The following KCNT2 variants were observed in gnomAD, a reference collection of about 807,000 sequenced individuals.
KCNT2 encodes the protein potassium sodium-activated channel subfamily T member 2.
In KCNT2, 67 loss-of-function variants were observed where a neutral mutation model predicts 153.8. That is an observed-to-expected ratio of 0.44 (90% CI 0.36 to 0.53). The LOEUF is 0.53. KCNT2 is among the 20% of genes least tolerant of loss of function. The pLI, the probability that KCNT2 is intolerant of heterozygous loss-of-function variation, is 0.00. For missense variants in KCNT2, 975 were observed against 1,354.8 expected, an observed-to-expected ratio of 0.72 and a Z score of 4.40; for synonymous variants, 500 against 458.8, an observed-to-expected ratio of 1.09 and a Z score of -1.15.
At chr1:196,512,494 A>T (rs1381084456) in intron 1 of KCNT2, among the ~76,000 whole-genome samples, 1 of 152,176 alleles carries the variant, frequency 6.6e-6, no homozygotes, top group African/African-American at 2.4e-5. Context: ...GCTGATGTCA[A>T]ATCTATTCTT....
intron 1 of KCNT2, among the ~76,000 whole-genome samples, chr1:196,517,593 C>T (rs1477564157): frequency 2.6e-5 from 4 of 151,850 alleles, no homozygotes; most frequent in Non-Finnish European, 4.4e-5. Flanking sequence ...CTGAAAAGGC[C>T]GAAAAACACA....
chr1:196,499,789 G>T (rs1398715878), intron 1 of KCNT2, among the ~76,000 whole-genome samples: 3 of 151,910 alleles, frequency 2.0e-5, no homozygotes, highest in African/African-American at 7.3e-5. Context: ...TGTTTATAAA[G>T]TATACTATTA....
chr1:196,256,306 A>G (rs1656487249), intron 26 of KCNT2, among the ~76,000 whole-genome samples: 2 of 152,012 alleles, frequency 1.3e-5, no homozygotes. Flanking sequence ...GTTCTGCCAA[A>G]TTTTAAACCC....
chr1:196,572,542 T>G (rs992478873), intron 1 of KCNT2, among the ~76,000 whole-genome samples: 1 of 151,982 alleles, frequency 6.6e-6, no homozygotes, highest in African/African-American at 2.4e-5. Flanking sequence ...ACTGCATACG[T>G]TTTGCCATTT....
At chr1:196,514,908 A>G (rs951928502) in intron 1 of KCNT2, among the ~76,000 whole-genome samples, 3 of 152,170 alleles carry the variant, frequency 2.0e-5, no homozygotes, top group Non-Finnish European at 2.9e-5. Flanking sequence ...ATTTTAGATC[A>G]TTAATTTTTA....
intron 26 of KCNT2, among the ~76,000 whole-genome samples, chr1:196,252,952 G>GT (rs1320442222): frequency 1.3e-5 from 2 of 150,854 alleles, no homozygotes; most frequent in Non-Finnish European, 3.0e-5. Flanking sequence ...TCATAAAGTG[G>GT]TTTTTTCCTC....
At chr1:196,431,631 C>T (rs1286764723) in intron 8 of KCNT2, among the ~76,000 whole-genome samples, 1 of 151,956 alleles carries the variant, frequency 6.6e-6, no homozygotes, top group Non-Finnish European at 1.5e-5. Flanking sequence ...GTGGAAGGCA[C>T]AATTTAAAGG....
intron 12 of KCNT2, among the ~76,000 whole-genome samples, chr1:196,414,614 A>C (rs1015734110): frequency 1.3e-5 from 2 of 151,884 alleles, no homozygotes; most frequent in Non-Finnish European, 2.9e-5. Context: ...GATAAAATGT[A>C]AAATATGCCT....
At chr1:196,356,026 G>A (rs1056560423) in intron 14 of KCNT2, among the ~76,000 whole-genome samples, 4 of 151,658 alleles carry the variant, frequency 2.6e-5, no homozygotes, top group African/African-American at 9.7e-5. Flanking sequence ...TCCCAGGCAA[G>A]ATATATTCCA....
chr1:196,294,631 G>A (rs982373919), intron 22 of KCNT2, among the ~76,000 whole-genome samples: 3 of 152,150 alleles, frequency 2.0e-5, no homozygotes, highest in East Asian at 3.9e-4. Context: ...AAATAGGCAT[G>A]CAATAAGTAA....
intron 1 of KCNT2, among the ~76,000 whole-genome samples, chr1:196,604,294 G>T (rs191357304): frequency 1.3e-5 from 2 of 152,220 alleles, no homozygotes; most frequent in Admixed American, 1.3e-4. Flanking sequence ...ACCCCCTCCA[G>T]ACTGAGCGCT....
chr1:196,561,753 G>A (rs1461175782), intron 1 of KCNT2, among the ~76,000 whole-genome samples: 1 of 150,440 alleles, frequency 6.6e-6, no homozygotes, highest in Non-Finnish European at 1.5e-5. Flanking sequence ...CGTGTCCAAA[G>A]CGGTTGGGAT....
Position 196,226,876 on chromosome 1 carries a change from G to A in KCNT2, c.*1348C>T, listed in dbSNP as rs1284172752. ...AAAAAATACAAAATTAGAACAGTAT[G>A]TATTTAAATTTACCAATGTTTCTTT... On this transcript the variant is annotated 3_prime_UTR_variant, in exon 28 of 28. Coordinates refer to ENST00000294725, the MANE Select transcript of KCNT2 (RefSeq NM_198503.5). 6.6e-6 allele frequency: 1 copy of A among 151,872 alleles called. No individual in the cohort carries two copies. The highest frequency in any genetic ancestry group is 1.5e-5 in the Non-Finnish European group (1 of 67,836). 9.4% of individuals were successfully genotyped at this position (151,872 alleles called of 1,614,324 possible).
chr1:196,414,970 T>A (rs1167981514), intron 12 of KCNT2, among the ~76,000 whole-genome samples: 2 of 151,914 alleles, frequency 1.3e-5, no homozygotes, highest in Admixed American at 1.3e-4. Flanking sequence ...TCAAAACAGT[T>A]CATTTTCTTC....
chr1:196,556,965 A>T (rs1432249019), intron 1 of KCNT2, among the ~76,000 whole-genome samples: 2 of 151,244 alleles, frequency 1.3e-5, no homozygotes, highest in African/African-American at 2.4e-5. Flanking sequence ...GAATGGAAGG[A>T]TGGTTACTGG....
chr1:196,362,827 C>A (rs1439698562), intron 14 of KCNT2, among the ~76,000 whole-genome samples: 1 of 152,034 alleles, frequency 6.6e-6, no homozygotes, highest in African/African-American at 2.4e-5. Flanking sequence ...ACCAAAGTAA[C>A]TTCTTAGTGC....
At chr1:196,317,033 T>A (rs1354391610) in intron 20 of KCNT2, 1 of 206,194 alleles carries the variant, frequency 4.8e-6, no homozygotes. Context: ...GTTTTTAAAT[T>A]GAAGAGTGAA....
chr1:196,598,033 A>G (rs1445548619), intron 1 of KCNT2, among the ~76,000 whole-genome samples: 2 of 152,188 alleles, frequency 1.3e-5, no homozygotes, highest in Non-Finnish European at 2.9e-5. Context: ...TTAAAGTCTT[A>G]CTGAGAAAAA....
At chr1:196,386,744 G>T (rs16839848) in intron 13 of KCNT2, among the ~76,000 whole-genome samples, 1 of 151,892 alleles carries the variant, frequency 6.6e-6, no homozygotes, top group African/African-American at 2.4e-5. Context: ...CAGAGTTAGC[G>T]TTCTCAAGAA....
Sources: allele counts gnomAD v4.1 joint callset (sites outside exome capture counted in the v4.1 genomes callset), GRCh38; gene constraint gnomAD v4.1.1; transcripts MANE v1.5; gene names NCBI Gene and HGNC (gene_info 2026-07-23, HGNC 2026-07-21).